The following RHOBTB1 variants were observed in gnomAD, a reference collection of about 807,000 sequenced individuals.
RHOBTB1 encodes the protein rho-related BTB domain-containing protein 1.
RHOBTB1 carries 40 observed loss-of-function variants against 71.6 expected under a neutral mutation model. The observed-to-expected ratio is 0.56, with a 90% CI of 0.43 to 0.73. The LOEUF is 0.73. RHOBTB1 is among the 30% of genes least tolerant of loss of function. The probability of loss-of-function intolerance (pLI) is 0.00; values close to 1 mark genes in which losing one functional copy is unlikely to be tolerated. For synonymous variants in RHOBTB1, 319 were observed against 334.9 expected (o/e 0.95, Z 0.52); for missense variants, 797 against 894.0 (o/e 0.89, Z 1.38).
chr10:60,940,027 G>A (rs2084814169), intron 2 of RHOBTB1, among the ~76,000 whole-genome samples: 1 of 152,042 alleles, frequency 6.6e-6, no homozygotes, highest in African/African-American at 2.4e-5. Context: ...TGTTGATGAG[G>A]TCTTGGCCTG....
At chr10:60,889,220 T>C (rs1173429825) in intron 5 of RHOBTB1, 35 bp from the exon 6 acceptor site, 1 of 1,552,340 alleles carries the variant, frequency 6.4e-7, no homozygotes, top group East Asian at 2.2e-5. Flanking sequence ...ATAATCAGCC[T>C]TGTTTTAGGA....
intron 1 of RHOBTB1, among the ~76,000 whole-genome samples, chr10:60,995,802 T>C (rs992747325): frequency 2.0e-5 from 3 of 151,988 alleles, no homozygotes; most frequent in Non-Finnish European, 4.4e-5. Context: ...TATATTCAAA[T>C]CCAGAAATCA....
intron 2 of RHOBTB1, among the ~76,000 whole-genome samples, chr10:60,920,325 A>G (rs1469044004): frequency 6.6e-6 from 1 of 152,160 alleles, no homozygotes; most frequent in Admixed American, 6.5e-5. Context: ...AAAAAAACCA[A>G]AGGATGTCGA....
chr10:60,985,210 A>G (rs544317699), intron 2 of RHOBTB1, among the ~76,000 whole-genome samples: 1 of 127,886 alleles, frequency 7.8e-6, no homozygotes, highest in South Asian at 2.9e-4. Context: ...TGAAAATAAC[A>G]AATAATTTTA....
chr10:60,890,002 G>A (rs1366347354), intron 5 of RHOBTB1, among the ~76,000 whole-genome samples: 2 of 152,110 alleles, frequency 1.3e-5, no homozygotes, highest in Non-Finnish European at 2.9e-5. Flanking sequence ...TTTCATGTAA[G>A]CCTCACAATA....
At chr10:61,000,495 C>T (rs554878115) in intron 1 of RHOBTB1, among the ~76,000 whole-genome samples, 1 of 152,260 alleles carries the variant, frequency 6.6e-6, no homozygotes, top group African/African-American at 2.4e-5. Flanking sequence ...CATAAAGAAG[C>T]AGTCAATTTC....
intron 2 of RHOBTB1, among the ~76,000 whole-genome samples, chr10:60,967,478 A>C (rs1216092187): frequency 6.6e-6 from 1 of 151,944 alleles, no homozygotes; most frequent in African/African-American, 2.4e-5. Context: ...TTTCAGGTTC[A>C]AGGAACACAT....
chr10:60,956,167 G>A (rs1296143185), intron 2 of RHOBTB1, among the ~76,000 whole-genome samples: 1 of 152,166 alleles, frequency 6.6e-6, no homozygotes, highest in South Asian at 2.1e-4. Context: ...AACCTGTACA[G>A]CATGTTACTG....
intron 2 of RHOBTB1, among the ~76,000 whole-genome samples, chr10:60,952,074 A>G (rs1246786519): frequency 8.5e-6 from 1 of 117,454 alleles, no homozygotes; most frequent in African/African-American, 3.3e-5. Flanking sequence ...CCACCCCCCC[A>G]AAAAAGAACG....
At chr10:60,945,055 G>A (rs528303831), upstream of RHOBTB1, among the ~76,000 whole-genome samples, 3 of 152,328 alleles carry the variant, frequency 2.0e-5, no homozygotes, top group East Asian at 5.8e-4. Flanking sequence ...AGAACCAGGG[G>A]TAGTTTTCAT....
At chr10:60,902,032 C>A (rs1383035703) in intron 4 of RHOBTB1, among the ~76,000 whole-genome samples, 3 of 152,198 alleles carry the variant, frequency 2.0e-5, no homozygotes, top group Non-Finnish European at 4.4e-5. Context: ...TCTCATTTGG[C>A]ACTCCGCTTT....
chr10:60,968,850 T>A (rs971347947), intron 2 of RHOBTB1, among the ~76,000 whole-genome samples: 2 of 152,018 alleles, frequency 1.3e-5, no homozygotes, highest in East Asian at 3.9e-4. Flanking sequence ...TCCTTGGGGC[T>A]AAGATGAAAA....
intron 2 of RHOBTB1, among the ~76,000 whole-genome samples, chr10:60,980,320 G>T (rs917517397): frequency 1.3e-5 from 2 of 151,994 alleles, no homozygotes; most frequent in Admixed American, 1.3e-4. Flanking sequence ...ATAAATGTCC[G>T]CTGGACCAAT....
intron 4 of RHOBTB1, among the ~76,000 whole-genome samples, chr10:60,902,351 A>G (rs1383234146): frequency 2.0e-5 from 3 of 152,208 alleles, no homozygotes; most frequent in Non-Finnish European, 2.9e-5. Context: ...GGATGATCAC[A>G]TAACAGCAAT....
intron 6 of RHOBTB1, 92 bp downstream of exon 6, chr10:60,888,120 G>T: frequency 7.3e-7 from 1 of 1,375,530 alleles, no homozygotes. Flanking sequence ...ATAAATGTTA[G>T]CTATCGTTCT....
chr10:60,945,251 C>T (rs540770203), upstream of RHOBTB1, among the ~76,000 whole-genome samples: 2 of 152,142 alleles, frequency 1.3e-5, no homozygotes, highest in Non-Finnish European at 2.9e-5. Context: ...GGAATAAAGA[C>T]ACAACTGTGT....
At chr10:60,884,723 T>C (rs1055525349) in intron 7 of RHOBTB1, among the ~76,000 whole-genome samples, 3 of 152,260 alleles carry the variant, frequency 2.0e-5, no homozygotes, top group Admixed American at 2.0e-4. Context: ...TTAAGTGAAA[T>C]AAGCCAGGTA....
intron 1 of RHOBTB1, among the ~76,000 whole-genome samples, chr10:60,999,743 T>C (rs1342753189): frequency 2.6e-5 from 4 of 152,246 alleles, no homozygotes; most frequent in Non-Finnish European, 4.4e-5. Flanking sequence ...CACAAAAACC[T>C]GCATGCCCTC....
upstream of RHOBTB1, chr10:60,944,283 C>T (rs2085111806): frequency 6.6e-6 from 1 of 152,240 alleles, no homozygotes; most frequent in South Asian, 2.1e-4. Context: ...AACGGAGCAC[C>T]CGGCACCTCG....
Sources: allele counts gnomAD v4.1 joint callset (sites outside exome capture counted in the v4.1 genomes callset), GRCh38; gene constraint gnomAD v4.1.1; transcripts MANE v1.5; gene names NCBI Gene and HGNC (gene_info 2026-07-23, HGNC 2026-07-21).